GPN1: variants seen among roughly 807,000 people sequenced by gnomAD.
GPN1 encodes ATP(GTP)-binding protein.
A neutral mutation model predicts 55.9 loss-of-function variants in GPN1; 44 were observed. The ratio of observed to expected loss-of-function variants is 0.79; its 90% CI spans 0.62 to 1.01. The LOEUF (loss-of-function observed/expected upper bound fraction) is 1.01. Among genes scored for constraint, GPN1 ranks in the 50% least tolerant of loss-of-function variants. GPN1 has a pLI of 0.00. For synonymous variants in GPN1, 179 were observed against 162.5 expected (o/e 1.10, Z -0.77); for missense variants, 466 against 462.8 (o/e 1.01, Z -0.06).
At chr2:27,633,632 A>G (rs1673630727) in intron 5 of GPN1, among the ~76,000 whole-genome samples, 1 of 152,028 alleles carries the variant, frequency 6.6e-6, no homozygotes, top group Non-Finnish European at 1.5e-5. Context: ...GCCTGCTACC[A>G]TGCCTGACTA....
chr2:27,631,524 C>T (rs1052536672), intron 3 of GPN1: 6 of 480,350 alleles, frequency 1.2e-5, no homozygotes, highest in East Asian at 3.8e-5. Flanking sequence ...GGATCAGAGC[C>T]GGAGGTGTTA....
At chr2:27,628,963 A>C (rs1198540596), upstream of GPN1, 2 of 1,572,554 alleles carry the variant, frequency 1.3e-6, no homozygotes, top group Non-Finnish European at 1.7e-6. Flanking sequence ...CTCCTTTCTG[A>C]CGCTGTGGTG....
intron 8 of GPN1, among the ~76,000 whole-genome samples, chr2:27,638,508 C>A (rs1673817877): frequency 1.3e-5 from 2 of 152,132 alleles, no homozygotes; most frequent in Non-Finnish European, 1.5e-5. Context: ...CCCTCAGAGT[C>A]AAGATTGTGT....
At chr2:27,645,250 C>T (rs1488009255) in intron 12 of GPN1, among the ~76,000 whole-genome samples, 1 of 152,180 alleles carries the variant, frequency 6.6e-6, no homozygotes, top group African/African-American at 2.4e-5. Flanking sequence ...GGATCATAGG[C>T]ATAAGCCACC....
chr2:27,642,419 G>A lies in GPN1; in HGVS notation c.841-10G>A, dbSNP rs747919484. On this transcript the variant is annotated splice_polypyrimidine_tract_variant and intron_variant, in intron 11 of 13. Transcript: ENST00000610189. Reference sequence around the variant, plus strand: ...TTTGAATATGATGACATTTTTCTCTGTATATACAGGCCAACGCAGAGAGCC... The same window carrying A: ...TTTGAATATGATGACATTTTTCTCTATATATACAGGCCAACGCAGAGAGCC... The A allele has an allele frequency of 4.3e-5, 68 of 1,581,228 alleles. No individual in the cohort carries two copies. The Admixed American group carries it at 1.1e-3, about 26-fold the overall frequency.
intron 1 of GPN1, 81 bp downstream of exon 1, chr2:27,629,250 A>ATGTCTT: frequency 6.5e-7 from 1 of 1,540,504 alleles, no homozygotes; most frequent in Non-Finnish European, 8.9e-7. Flanking sequence ...AAAGGGAGGG[A>ATGTCTT]AGAGGATTTG....
intron 8 of GPN1, 22 bp from the exon 9 acceptor site, chr2:27,638,863 A>T (rs1673835279): frequency 3.2e-6 from 5 of 1,583,506 alleles, no homozygotes; most frequent in East Asian, 2.3e-5. Flanking sequence ...GGTTGCTCAT[A>T]ATTGACTTCT....
Position 27,629,923 on chromosome 2 carries a change from T to C in GPN1, c.176T>C (p.Val59Ala). ...PPYVINLDPA[V>A]HEVPFPANID... The stretch of plus-strand genomic sequence containing the variant: ...TATGTGATCAACCTGGATCCAGCAG[T>C]ACATGAAGTTCCCTTTCCTGCCAAT... Residue 59 changes from valine (V) to alanine (A), a missense_variant, in exon 2 of 14, where the codon GTA becomes GCA. By Grantham distance (64) the Val-to-Ala change is moderately conservative (BLOSUM62 0). Transcript: ENST00000610189. 6.2e-7 allele frequency: 1 copy of C among 1,604,624 alleles called. No homozygotes were observed. The highest frequency in any genetic ancestry group is 8.5e-7 in the Non-Finnish European group (1 of 1,171,296).
In GPN1 at chr2:27,629,961, A is replaced by G. The variant is rs1243671400; in HGVS notation, c.205+9A>G. On this transcript the variant is annotated intron_variant, in intron 2 of 13. Transcript: ENST00000610189. ...CTTTCCTGCCAATATTGGTGAGTAA[A>G]CCAGTAACATAACTTGTGTGCAGTG... 2 of 1,434,908 alleles carry G rather than the reference A, an allele frequency of 1.4e-6. No homozygotes were observed. The highest frequency in any genetic ancestry group is 2.0e-6 in the Non-Finnish European group (2 of 1,016,350). The allele number at this position is 1,434,908 out of a possible 1,614,324, so 88.9% of individuals were successfully genotyped here. A position where few individuals can be genotyped will look rare whatever the true frequency, so the allele number is the denominator to read the frequency against.
intron 10 of GPN1, among the ~76,000 whole-genome samples, chr2:27,640,612 C>T (rs1275729971): frequency 6.6e-6 from 1 of 152,176 alleles, no homozygotes. Context: ...ATAGTAAGCA[C>T]ATTTTATAAT....
upstream of GPN1, chr2:27,628,330 C>T (rs765383339): frequency 1.6e-5 from 23 of 1,427,358 alleles, no homozygotes; most frequent in Middle Eastern, 1.1e-3. Context: ...CATCATCTTT[C>T]CTGAGTTTCT....
chr2:27,629,182 G>C lies in GPN1; in HGVS notation c.111+13G>C, dbSNP rs765775159. 5.6e-6 allele frequency: 9 copies of C among 1,613,600 alleles called. No individual in the cohort carries two copies. The South Asian group carries it at 9.9e-5, about 18-fold the overall frequency. ...CACTTTTGTACAGGTGACGTACACA[G>C]CATGGGTGTAGTAGGGGAGCGCAAA... is the stretch of plus-strand genomic sequence containing the variant. On this transcript the variant is annotated intron_variant, in intron 1 of 13. Coordinates refer to ENST00000610189, the MANE Select transcript of GPN1 (RefSeq NM_007266.4).
In GPN1 at chr2:27,629,102, G is replaced by A; in HGVS notation, c.44G>A (p.Gly15Asp). Residue 15 changes from glycine to aspartate, a missense_variant, in exon 1 of 14, where the codon GGT becomes GAT. By Grantham distance (94) the Gly-to-Asp change is moderately conservative. Transcript: ENST00000610189. Reference sequence around the variant, plus strand: ...GCCGCTGAGCTCCAGGCTTCTGGGGGTCCGCGGCACCCAGTGTGTCTGTTG... The same window carrying A: ...GCCGCTGAGCTCCAGGCTTCTGGGGATCCGCGGCACCCAGTGTGTCTGTTG... ...AAAAELQASGGPRHPVCLLVL... is the reference protein window; with the variant it reads ...AAAAELQASGDPRHPVCLLVL... 9 of 1,614,260 alleles carry A rather than the reference G, an allele frequency of 5.6e-6. No homozygotes were observed. Among genetic ancestry groups the A allele is most frequent in the Non-Finnish European group, 7.6e-6 (9 of 1,180,050 alleles).
intron 4 of GPN1, among the ~76,000 whole-genome samples, chr2:27,632,320 A>G (rs1458088192): frequency 6.6e-6 from 1 of 152,136 alleles, no homozygotes; most frequent in Non-Finnish European, 1.5e-5. Flanking sequence ...TGGTTTTTAT[A>G]CTCTGATGTT....
intron 10 of GPN1, among the ~76,000 whole-genome samples, chr2:27,640,630 A>G (rs139625838): frequency 2.0e-5 from 3 of 152,386 alleles, no homozygotes; most frequent in Non-Finnish European, 2.9e-5. Flanking sequence ...AATAAATGTT[A>G]TAACTATTGT....
chr2:27,630,091 G>T, intron 2 of GPN1, 139 bp downstream of exon 2: 2 of 609,884 alleles, frequency 3.3e-6, no homozygotes, highest in East Asian at 5.9e-5. Flanking sequence ...TTCAAGACCA[G>T]CCTGGCCAAG....
intron 5 of GPN1, among the ~76,000 whole-genome samples, chr2:27,633,620 T>G (rs1192954434): frequency 6.6e-6 from 1 of 151,996 alleles, no homozygotes; most frequent in African/African-American, 2.4e-5. Flanking sequence ...GGATTACAGG[T>G]GGCCTGCTAC....
intron 2 of GPN1, 44 bp downstream of exon 2, chr2:27,629,996 G>A: frequency 1.8e-6 from 2 of 1,096,924 alleles, no homozygotes; most frequent in Non-Finnish European, 2.8e-6. Context: ...GCTTTAAAGA[G>A]AATGGAAAAG....
Position 27,633,471 on chromosome 2 carries a change from AATTTTTGT to A in GPN1, c.350+817_350+824del, listed in dbSNP as rs533194995. On this transcript the variant is annotated intron_variant, in intron 5 of 13. Coordinates refer to ENST00000610189, the MANE Select transcript of GPN1 (RefSeq NM_007266.4). The stretch of plus-strand genomic sequence containing the variant: ...CAGGTGTGAGCCACCACACCTGGCT[AATTTTTGT>A]ATTTTTGTATTTTTGGGATGGAGTC... 3.0e-3 allele frequency among the ~76,000 whole-genome samples: 447 copies of A among 151,500 alleles called. 2 individuals are homozygous for A. The highest frequency in any genetic ancestry group is 0.01 in the African/African-American group (430 of 41,184).
Sources: allele counts gnomAD v4.1 joint callset (sites outside exome capture counted in the v4.1 genomes callset), GRCh38; gene constraint gnomAD v4.1.1; transcripts MANE v1.5; gene names NCBI Gene and HGNC (gene_info 2026-07-23, HGNC 2026-07-21).